The following TBL1XR1 variants were observed in gnomAD, a reference collection of about 807,000 sequenced individuals.
TBL1XR1 encodes the protein F-box-like/WD repeat-containing protein TBL1XR1.
In TBL1XR1, 5 loss-of-function variants were observed where a neutral mutation model predicts 66.9. That is an observed-to-expected ratio of 0.07 (90% confidence interval 0.04 to 0.16). The LOEUF (loss-of-function observed/expected upper bound fraction) is 0.16, where lower values mean the gene tolerates loss of function less well. TBL1XR1 is among the 10% of genes least tolerant of loss of function. The pLI, the probability that TBL1XR1 is intolerant of heterozygous loss-of-function variation, is 1.00. For synonymous variants in TBL1XR1, 210 were observed against 206.0 expected, an observed-to-expected ratio of 1.02 and a Z score of -0.17; for missense variants, 238 against 623.2, an observed-to-expected ratio of 0.38 and a Z score of 6.58.
chr3:177,194,381 T>C (rs187455361), intron 1 of TBL1XR1, among the ~76,000 whole-genome samples: 16 of 152,348 alleles, frequency 1.1e-4, no homozygotes, highest in African/African-American at 3.6e-4. Context: ...ATACAAGTTC[T>C]AGTGAATACC....
chr3:177,169,890 T>A (rs541621409), intron 1 of TBL1XR1, among the ~76,000 whole-genome samples: 1 of 151,354 alleles, frequency 6.6e-6, no homozygotes, highest in Non-Finnish European at 1.5e-5. Flanking sequence ...TCTAAAATAC[T>A]CCTTATTGAT....
intron 1 of TBL1XR1, among the ~76,000 whole-genome samples, chr3:177,157,876 T>C (rs1462319372): frequency 6.6e-6 from 1 of 152,232 alleles, no homozygotes; most frequent in Non-Finnish European, 1.5e-5. Flanking sequence ...CACAGGTATA[T>C]ACATTTGTAT....
chr3:177,160,975 GAC>G (rs1360037986), intron 1 of TBL1XR1: 1 of 149,402 alleles, frequency 6.7e-6, no homozygotes, highest in African/African-American at 2.5e-5. Context: ...GAGCCTGGGT[GAC>G]AGAGTGAAAC....
chr3:177,095,812 G>A (rs1342867865), intron 2 of TBL1XR1, among the ~76,000 whole-genome samples: 1 of 152,198 alleles, frequency 6.6e-6, no homozygotes, highest in East Asian at 1.9e-4. Context: ...AAAATTACTT[G>A]TGTCTAGGTA....
intron 1 of TBL1XR1, among the ~76,000 whole-genome samples, chr3:177,137,746 G>C (rs752908933): frequency 4.6e-5 from 7 of 152,130 alleles, no homozygotes; most frequent in Non-Finnish European, 8.8e-5. Context: ...GAGACAGGTG[G>C]ACTACTTGAG....
intron 2 of TBL1XR1, among the ~76,000 whole-genome samples, chr3:177,096,617 G>T (rs961099989): frequency 2.6e-5 from 4 of 152,136 alleles, no homozygotes; most frequent in Admixed American, 6.5e-5. Context: ...CAACAAAGAA[G>T]AGTAACAGGT....
At chr3:177,033,271 A>T in intron 13 of TBL1XR1, 135 bp from the exon 14 acceptor site, 1 of 546,462 alleles carries the variant, frequency 1.8e-6, no homozygotes, top group Non-Finnish European at 3.0e-6. Flanking sequence ...CTGGACTGTT[A>T]GGAAGAATAT....
At chr3:177,050,166 T>C (rs1237450898) in intron 6 of TBL1XR1, 28 bp from the exon 7 acceptor site, 1 of 1,608,246 alleles carries the variant, frequency 6.2e-7, no homozygotes, top group Admixed American at 1.7e-5. Flanking sequence ...ATATTTTAGA[T>C]CCTCATGACA....
chr3:177,172,538 G>C lies in TBL1XR1; in HGVS notation c.-122+24583C>G, dbSNP rs200568503. 1.1e-4 allele frequency among the ~76,000 whole-genome samples: 17 copies of C among 148,444 alleles called. No individual in the cohort carries two copies. The East Asian group carries it at 3.5e-3, about 31-fold the overall frequency. On this transcript the variant is annotated intron_variant, in intron 1 of 15. Coordinates refer to ENST00000457928, the MANE Select transcript of TBL1XR1 (RefSeq NM_024665.7). Reference sequence around the variant, plus strand: ...TTTGGGAGGCCAAGGCAGGAGGATCGCATGAGCCCAGGATCGGAAGGTTAG... The same window carrying C: ...TTTGGGAGGCCAAGGCAGGAGGATCCCATGAGCCCAGGATCGGAAGGTTAG...
chr3:177,175,175 GAAT>G (rs1450821151), intron 1 of TBL1XR1, among the ~76,000 whole-genome samples: 5 of 152,148 alleles, frequency 3.3e-5, no homozygotes, highest in African/African-American at 1.2e-4. Context: ...TTATAAATGT[GAAT>G]AACATTGTAT....
At chr3:177,143,671 G>A (rs1440950199) in intron 1 of TBL1XR1, among the ~76,000 whole-genome samples, 1 of 152,138 alleles carries the variant, frequency 6.6e-6, no homozygotes, top group South Asian at 2.1e-4. Flanking sequence ...TGTGAAGTAG[G>A]TAAATGAGCA....
intron 2 of TBL1XR1, among the ~76,000 whole-genome samples, chr3:177,092,018 T>C (rs534566263): frequency 6.6e-6 from 1 of 152,336 alleles, no homozygotes; most frequent in African/African-American, 2.4e-5. Flanking sequence ...TGCTTCCTTA[T>C]GCAAGCATAC....
chr3:177,134,945 C>CTCTGTGTGTG (rs1553852509), intron 1 of TBL1XR1, among the ~76,000 whole-genome samples: 40 of 129,242 alleles, frequency 3.1e-4, no homozygotes, highest in African/African-American at 1.1e-3. Flanking sequence ...CACTGCAAGG[C>CTCTGTGTGTG]TGTGTGTGTG....
chr3:177,037,860 G>A, intron 12 of TBL1XR1: 2 of 439,196 alleles, frequency 4.6e-6, no homozygotes, highest in Non-Finnish European at 8.3e-6. Flanking sequence ...GGTATCATAT[G>A]TCTCATTGTA....
At chr3:177,137,476 ACT>A (rs1729135116) in intron 1 of TBL1XR1, among the ~76,000 whole-genome samples, 1 of 152,146 alleles carries the variant, frequency 6.6e-6, no homozygotes, top group Non-Finnish European at 1.5e-5. Flanking sequence ...GGGTAACAGA[ACT>A]CGAGACTCTG....
chr3:177,043,757 C>G (rs191401436), intron 10 of TBL1XR1, among the ~76,000 whole-genome samples: 199 of 152,032 alleles, frequency 1.3e-3, no homozygotes, highest in African/African-American at 4.7e-3. Flanking sequence ...TGTTCTTTCC[C>G]CTTTTTGTAT....
At chr3:177,192,644 A>G (rs999331593) in intron 1 of TBL1XR1, among the ~76,000 whole-genome samples, 6 of 152,206 alleles carry the variant, frequency 3.9e-5, no homozygotes, top group Non-Finnish European at 7.3e-5. Flanking sequence ...GAGCTATCAA[A>G]TCCTTCCTAT....
intron 1 of TBL1XR1, among the ~76,000 whole-genome samples, chr3:177,123,889 A>G (rs1385121243): frequency 6.6e-6 from 1 of 152,090 alleles, no homozygotes; most frequent in Non-Finnish European, 1.5e-5. Flanking sequence ...AAGAAATTCC[A>G]TTTACACTAT....
rs201516389 is a variant in TBL1XR1 at position 177,027,481 on chromosome 3, A to AT, written c.1417-1008dup. 6.6e-5 allele frequency: 10 copies of AT among 152,352 alleles called. No homozygotes were observed. The East Asian group carries it at 1.3e-3, about 21-fold the overall frequency. The allele number at this position is 152,352 out of a possible 1,614,324, so 9.4% of individuals were successfully genotyped here. ...ATATTCTCCTATGAAACCAGTCAAT[A>AT]TAACAGGACAAAGATCAGAGGTCCT... On this transcript the variant is annotated intron_variant, in intron 14 of 15. Transcript: ENST00000457928.
Sources: gnomAD v4.1 joint callset for allele counts (sites outside exome capture counted in the v4.1 genomes callset) on GRCh38, gnomAD v4.1.1 for gene constraint, MANE v1.5 for transcripts, NCBI Gene and HGNC (gene_info 2026-07-23, HGNC 2026-07-21) for gene names.